The following COL21A1 variants were observed in gnomAD, a reference collection of about 807,000 sequenced individuals.
COL21A1 encodes collagen alpha-1(XXI) chain.
Under a neutral mutation model 137.9 loss-of-function variants are expected in COL21A1, and 149 were observed. The observed-to-expected ratio is 1.08, with a 90% CI of 0.95 to 1.24. COL21A1 has a LOEUF of 1.24. Ranked by LOEUF, COL21A1 falls within the 50% of genes most tolerant of loss-of-function variation. The probability of loss-of-function intolerance (pLI) is 0.00; values close to 1 mark genes in which losing one functional copy is unlikely to be tolerated. For missense variants in COL21A1, 1,167 were observed against 1,158.4 expected (o/e 1.01, Z -0.11); for synonymous variants, 456 against 391.5 (o/e 1.16, Z -1.95).
intron 1 of COL21A1, among the ~76,000 whole-genome samples, chr6:56,341,932 A>T (rs1217723163): frequency 6.6e-6 from 1 of 151,318 alleles, no homozygotes; most frequent in African/African-American, 2.5e-5. Flanking sequence ...CACAAAAAAT[A>T]ATGATAAAAA....
intron 1 of COL21A1, among the ~76,000 whole-genome samples, chr6:56,371,074 C>A (rs1484844778): frequency 6.6e-6 from 1 of 152,210 alleles, no homozygotes; most frequent in African/African-American, 2.4e-5. Context: ...CTTCTGCTCA[C>A]CAGTTACTCA....
chr6:56,124,182 T>C (rs1772810597), intron 15 of COL21A1, 57 bp downstream of exon 15: 2 of 1,542,238 alleles, frequency 1.3e-6, no homozygotes, highest in East Asian at 2.4e-5. Flanking sequence ...AGACAGATAC[T>C]ATAAGATAGA....
At chr6:56,335,197 G>A (rs903534707) in intron 1 of COL21A1, among the ~76,000 whole-genome samples, 2 of 152,130 alleles carry the variant, frequency 1.3e-5, no homozygotes, top group Admixed American at 6.6e-5. Context: ...GGTGCAGTCA[G>A]AACTTCCTCT....
intron 1 of COL21A1, among the ~76,000 whole-genome samples, chr6:56,270,416 A>G (rs1434199695): frequency 6.6e-6 from 1 of 152,222 alleles, no homozygotes; most frequent in Non-Finnish European, 1.5e-5. Flanking sequence ...AGATTCACAA[A>G]ACAAGTTCCT....
chr6:56,177,020 A>G (rs1394018207), intron 3 of COL21A1, among the ~76,000 whole-genome samples: 2 of 151,034 alleles, frequency 1.3e-5, no homozygotes, highest in Non-Finnish European at 3.0e-5. Context: ...AAGGAGGAGG[A>G]AGAAGAAGAG....
chr6:56,202,950 T>C (rs1316493373), intron 1 of COL21A1, among the ~76,000 whole-genome samples: 3 of 152,184 alleles, frequency 2.0e-5, no homozygotes, highest in Non-Finnish European at 2.9e-5. Context: ...GGCCACAGGA[T>C]TCCATTGGTG....
At position 56,290,160 on chromosome 6, in the gene COL21A1, G is replaced by T. The variant is rs548573747; in HGVS notation, c.-39+103811C>A. ...TAACAGAGGTTTGGCACAACAGAAT[G>T]AATAAATAAATGAATTAGCAAACAG... is the stretch of plus-strand genomic sequence containing the variant. On this transcript the variant is annotated intron_variant, in intron 1 of 28. Transcript: ENST00000370819. Among the ~76,000 whole-genome samples, 4 of 152,264 alleles carry T rather than the reference G, an allele frequency of 2.6e-5. No individual in the cohort carries two copies. The South Asian group carries it at 8.3e-4, about 32-fold the overall frequency.
chr6:56,172,936 C>T (rs968668114), intron 3 of COL21A1, among the ~76,000 whole-genome samples: 6 of 150,114 alleles, frequency 4.0e-5, no homozygotes, highest in South Asian at 2.1e-4. Flanking sequence ...GACATCACTA[C>T]AAAAAAAGCA....
At chr6:56,131,706 A>G (rs115243202) in intron 12 of COL21A1, among the ~76,000 whole-genome samples, 2,976 of 152,222 alleles carry the variant, frequency 0.02, 108 homozygotes, top group African/African-American at 0.068. Context: ...TGTGATTGAA[A>G]CAAGATTGTG....
chr6:56,171,034 T>C lies in COL21A1; in HGVS notation c.735A>G (p.Lys245=), dbSNP rs1777003577. 1.2e-6 allele frequency: 2 copies of C among 1,607,792 alleles called. No individual in the cohort carries two copies. Among genetic ancestry groups the C allele is most frequent in the Admixed American group, 1.7e-5 (1 of 58,906 alleles). ...LGLDVNKKVK[K]RIQLSPKKIK... ...TCTTTTTTGGTGAAAGCTGTATTCT[T>C]TTCTTAACCTTTTTATTTACATCTA... The change falls in exon 4 of 30, where the codon AAA becomes AAG. Residue 245 remains lysine, a synonymous_variant. Transcript: ENST00000244728.
At chr6:56,095,262 T>A (rs1298447709) in intron 17 of COL21A1, among the ~76,000 whole-genome samples, 2 of 152,202 alleles carry the variant, frequency 1.3e-5, no homozygotes, top group Non-Finnish European at 2.9e-5. Context: ...TTGTGTTCTA[T>A]TCCCTGTTTA....
intron 10 of COL21A1, among the ~76,000 whole-genome samples, chr6:56,147,372 T>A: frequency 6.6e-6 from 1 of 151,768 alleles, no homozygotes. Context: ...TTGCTTTTTT[T>A]TTTTCTGTTT....
At chr6:56,305,562 CTTTT>C (rs1190886724) in intron 1 of COL21A1, among the ~76,000 whole-genome samples, 1 of 151,910 alleles carries the variant, frequency 6.6e-6, no homozygotes, top group African/African-American at 2.4e-5. Flanking sequence ...CAACCCCTGC[CTTTT>C]TTTGTTTTCC....
chr6:56,124,408 G>A, intron 14 of COL21A1, 116 bp from the exon 15 acceptor site: 2 of 924,434 alleles, frequency 2.2e-6, no homozygotes, highest in African/African-American at 1.7e-5. Flanking sequence ...AAAACTCATG[G>A]AACTACAACT....
intron 17 of COL21A1, among the ~76,000 whole-genome samples, chr6:56,088,490 T>A (rs1048353169): frequency 5.3e-5 from 8 of 152,212 alleles, no homozygotes; most frequent in African/African-American, 1.9e-4. Flanking sequence ...TTGCAAAAAG[T>A]ACAAAGTTTT....
chr6:56,264,571 T>G (rs1487268629), intron 1 of COL21A1, among the ~76,000 whole-genome samples: 4 of 152,226 alleles, frequency 2.6e-5, no homozygotes, highest in Non-Finnish European at 5.9e-5. Context: ...AATTTATGTC[T>G]ACTTGAGGAC....
chr6:56,171,129 C>A lies in COL21A1; in HGVS notation c.641-1G>T, dbSNP rs1777013097. The A allele has an allele frequency of 6.3e-7, 1 of 1,577,160 alleles. No homozygotes were observed. On this transcript the variant is annotated splice_acceptor_variant, in intron 3 of 29. Transcript: ENST00000244728. LOFTEE classifies it high-confidence loss of function. ...GGAATTCGTGTTGGACAGACAGATT[C>A]TATAAAGCAAAAGCAATAAAAGTTG...
intron 1 of COL21A1, among the ~76,000 whole-genome samples, chr6:56,302,500 T>C (rs1272396019): frequency 2.0e-5 from 3 of 151,912 alleles, no homozygotes; most frequent in African/African-American, 7.2e-5. Context: ...CATTTTTTCA[T>C]GTGTCTGTTG....
chr6:56,112,335 A>C (rs1333240608), intron 16 of COL21A1, among the ~76,000 whole-genome samples: 1 of 152,210 alleles, frequency 6.6e-6, no homozygotes, highest in Non-Finnish European at 1.5e-5. Context: ...AGCTCCACCG[A>C]TTGTCACCCC....
Sources: gnomAD v4.1 joint callset for allele counts (sites outside exome capture counted in the v4.1 genomes callset) on GRCh38, gnomAD v4.1.1 for gene constraint, MANE v1.5 for transcripts, NCBI Gene and HGNC (gene_info 2026-07-23, HGNC 2026-07-21) for gene names.